The following MYO1B variants were observed in gnomAD, a reference collection of about 807,000 sequenced individuals.
MYO1B encodes the protein unconventional myosin-Ib.
In MYO1B, 72 loss-of-function variants were observed where a neutral mutation model predicts 159.7. The observed-to-expected ratio is 0.45, with a 90% CI of 0.37 to 0.55. The LOEUF (loss-of-function observed/expected upper bound fraction) is 0.55. Ranked by LOEUF, MYO1B falls within the 20% of genes least tolerant of loss-of-function variation. The pLI is 0.00. For missense variants in MYO1B, 1,062 were observed against 1,364.8 expected, an observed-to-expected ratio of 0.78 and a Z score of 3.50; for synonymous variants, 468 against 473.8, an observed-to-expected ratio of 0.99 and a Z score of 0.16.
At chr2:191,380,297 A>G (rs571087804) in intron 13 of MYO1B, among the ~76,000 whole-genome samples, 56 of 152,286 alleles carry the variant, frequency 3.7e-4, no homozygotes, top group South Asian at 6.2e-4. Context: ...CACTTCTATC[A>G]TGTATGGAGG....
intron 1 of MYO1B, among the ~76,000 whole-genome samples, chr2:191,247,741 A>C (rs956373450): frequency 2.0e-5 from 3 of 152,228 alleles, no homozygotes; most frequent in Non-Finnish European, 2.9e-5. Flanking sequence ...TCTATACATT[A>C]ACAAAATGTA....
intron 3 of MYO1B, among the ~76,000 whole-genome samples, chr2:191,321,614 A>G (rs1430329975): frequency 2.0e-5 from 3 of 152,154 alleles, no homozygotes; most frequent in African/African-American, 7.2e-5. Context: ...TGTTTGGTTA[A>G]TTTCTGGACA....
chr2:191,341,410 A>AT (rs1476933263), intron 4 of MYO1B, 51 bp from the exon 5 acceptor site: 2 of 1,524,508 alleles, frequency 1.3e-6, no homozygotes, highest in Non-Finnish European at 9.0e-7. Flanking sequence ...CCCCAAAAAG[A>AT]TTTTTTAAAT....
At chr2:191,345,226 C>G (rs1232375816) in intron 5 of MYO1B, among the ~76,000 whole-genome samples, 1 of 152,150 alleles carries the variant, frequency 6.6e-6, no homozygotes, top group Non-Finnish European at 1.5e-5. Context: ...TTCCCAGACC[C>G]ATTGAACCTG....
intron 6 of MYO1B, among the ~76,000 whole-genome samples, chr2:191,346,945 T>C (rs1483628999): frequency 6.6e-6 from 1 of 152,222 alleles, no homozygotes; most frequent in Non-Finnish European, 1.5e-5. Context: ...CTTGGGTGCC[T>C]CTACCCTTTA....
At chr2:191,283,680 T>C (rs1688197475) in intron 2 of MYO1B, among the ~76,000 whole-genome samples, 1 of 152,124 alleles carries the variant, frequency 6.6e-6, no homozygotes, top group African/African-American at 2.4e-5. Flanking sequence ...AGCAAGTAGG[T>C]GATGGAGCTG....
At chr2:191,251,428 A>C (rs1342706994) in intron 1 of MYO1B, among the ~76,000 whole-genome samples, 1 of 152,220 alleles carries the variant, frequency 6.6e-6, no homozygotes, top group African/African-American at 2.4e-5. Flanking sequence ...AAAAGTAAAA[A>C]TTGACATTCT....
rs143575930 is a variant in MYO1B, at chr2:191,367,094, G to A, written c.1033-2448G>A. The stretch of plus-strand genomic sequence containing the variant: ...CTGAGTTTCATGCAGCTGCAGAAGT[G>A]CATGGTCTTTTCATAGTGTGCTTTG... On this transcript the variant is annotated intron_variant, in intron 11 of 30. Coordinates refer to ENST00000392318, the MANE Select transcript of MYO1B (RefSeq NM_001130158.3). Among the ~76,000 whole-genome samples, 264 of 152,140 alleles carry A rather than the reference G, an allele frequency of 1.7e-3. 1 individual carries two copies. Among genetic ancestry groups the A allele is most frequent in the African/African-American group, 6.1e-3 (253 of 41,510 alleles).
At position 191,423,825 on chromosome 2, in the gene MYO1B, C is replaced by A. The variant is rs529884209; in HGVS notation, c.3288-12C>A. 1.0e-4 allele frequency: 167 copies of A among 1,600,098 alleles called. 2 individuals carry two copies. In the Middle Eastern group the frequency reaches 1.3e-3, roughly 13 times the overall value. ...TGTGTATACTTTAATTTGTTTTATTCTTTTCTCCTAGGTTCCTGGTACAGT... is the reference window on the plus strand; with the variant it reads ...TGTGTATACTTTAATTTGTTTTATTATTTTCTCCTAGGTTCCTGGTACAGT... On this transcript the variant is annotated splice_polypyrimidine_tract_variant and intron_variant, in intron 30 of 30. Coordinates refer to ENST00000392318, the MANE Select transcript of MYO1B (RefSeq NM_001130158.3).
Position 191,316,281 on chromosome 2 carries a change from A to C in MYO1B, c.252-13654A>C, listed in dbSNP as rs555826933. On this transcript the variant is annotated intron_variant, in intron 3 of 30. Coordinates refer to ENST00000392318, the MANE Select transcript of MYO1B (RefSeq NM_001130158.3). ...TCATTTTATGAAAATTTAGGAAGCAAACCTAGACTTGTTTGAATAGATGGC... is the reference window on the plus strand; with the variant it reads ...TCATTTTATGAAAATTTAGGAAGCACACCTAGACTTGTTTGAATAGATGGC... 4.4e-4 allele frequency among the ~76,000 whole-genome samples: 67 copies of C among 152,340 alleles called. 1 individual carries two copies. In the South Asian group the frequency reaches 0.011, roughly 25 times the overall value.
chr2:191,402,446 G>C (rs971654372), intron 23 of MYO1B, 186 bp from the exon 24 acceptor site: 1 of 593,334 alleles, frequency 1.7e-6, no homozygotes, highest in African/African-American at 1.9e-5. Flanking sequence ...TCAGTGCACT[G>C]AAAATATAAG....
At chr2:191,269,387 T>A (rs1170750253) in intron 1 of MYO1B, among the ~76,000 whole-genome samples, 2 of 152,246 alleles carry the variant, frequency 1.3e-5, no homozygotes, top group Non-Finnish European at 2.9e-5. Flanking sequence ...ATTTTGTTTA[T>A]CCATTCATCC....
chr2:191,285,533 T>C (rs920630489), intron 2 of MYO1B, among the ~76,000 whole-genome samples: 2 of 152,204 alleles, frequency 1.3e-5, no homozygotes, highest in African/African-American at 4.8e-5. Context: ...GATAAAAAGA[T>C]GAGCAAGGCT....
intron 30 of MYO1B, among the ~76,000 whole-genome samples, chr2:191,422,162 G>A (rs1042124750): frequency 6.6e-6 from 1 of 152,160 alleles, no homozygotes; most frequent in South Asian, 2.1e-4. Flanking sequence ...TGGTTGTTAG[G>A]TTGACTCACT....
chr2:191,319,236 T>C (rs930325195), intron 3 of MYO1B, among the ~76,000 whole-genome samples: 1 of 152,164 alleles, frequency 6.6e-6, no homozygotes, highest in African/African-American at 2.4e-5. Context: ...TTCCTTATTG[T>C]TGAAACCCTT....
chr2:191,379,765 C>T (rs1694932807), intron 13 of MYO1B, among the ~76,000 whole-genome samples: 1 of 152,038 alleles, frequency 6.6e-6, no homozygotes, highest in Non-Finnish European at 1.5e-5. Flanking sequence ...TTTATAGTTG[C>T]ATCATATAGG....
chr2:191,328,057 C>A (rs551755308), intron 3 of MYO1B, among the ~76,000 whole-genome samples: 16 of 152,270 alleles, frequency 1.1e-4, no homozygotes, highest in Middle Eastern at 3.4e-3. Context: ...CACAGTATTT[C>A]TGGGTTCAAG....
intron 13 of MYO1B, chr2:191,379,373 T>A (rs1356445): frequency 0.01 from 1,551 of 152,784 alleles, 62 homozygotes; most frequent in Admixed American, 0.076. Context: ...TGAATAACCA[T>A]GTGGATATAA....
At chr2:191,398,588 C>G (rs1696358412) in intron 21 of MYO1B, among the ~76,000 whole-genome samples, 1 of 150,886 alleles carries the variant, frequency 6.6e-6, no homozygotes. Context: ...ACCTCCCAGA[C>G]AGGGTTGCGG....
Sources: allele counts gnomAD v4.1 joint callset (sites outside exome capture counted in the v4.1 genomes callset), GRCh38; gene constraint gnomAD v4.1.1; transcripts MANE v1.5; gene names NCBI Gene and HGNC (gene_info 2026-07-23, HGNC 2026-07-21).